DLGAP2: variants seen among roughly 807,000 people sequenced by gnomAD.
DLGAP2 encodes the protein disks large-associated protein 2.
Under a neutral mutation model 100.3 loss-of-function variants are expected in DLGAP2, and 26 were observed. The observed-to-expected ratio is 0.26, with a 90% CI of 0.19 to 0.36. The LOEUF is 0.36. DLGAP2 is among the 10% of genes least tolerant of loss of function. DLGAP2 has a pLI of 1.00. For missense variants in DLGAP2, 1,858 were observed against 1,453.2 expected, an observed-to-expected ratio of 1.28 and a Z score of -4.53; for synonymous variants, 886 against 630.1, an observed-to-expected ratio of 1.41 and a Z score of -6.08.
intron 6 of DLGAP2, among the ~76,000 whole-genome samples, chr8:1,625,530 A>G (rs552737173): frequency 2.6e-5 from 4 of 152,358 alleles, no homozygotes; most frequent in African/African-American, 4.8e-5. Flanking sequence ...TACTCCTCCT[A>G]TTATATTTGC....
At chr8:1,564,754 G>T (rs1192722928) in intron 5 of DLGAP2, among the ~76,000 whole-genome samples, 3 of 152,206 alleles carry the variant, frequency 2.0e-5, no homozygotes, top group African/African-American at 4.8e-5. Flanking sequence ...CACATAACAT[G>T]CATAGTTGCT....
At chr8:867,049 T>C (rs1483939230) in intron 1 of DLGAP2, among the ~76,000 whole-genome samples, 1 of 152,226 alleles carries the variant, frequency 6.6e-6, no homozygotes, top group Non-Finnish European at 1.5e-5. Context: ...TCCGCCGTTC[T>C]GTGCTGTTCA....
intron 2 of DLGAP2, among the ~76,000 whole-genome samples, chr8:912,864 G>A (rs1430497557): frequency 1.3e-5 from 2 of 150,214 alleles, no homozygotes; most frequent in African/African-American, 4.9e-5. Flanking sequence ...GCACCACGGT[G>A]CCCGCCTTCC....
chr8:1,158,896 G>A lies in DLGAP2; in HGVS notation c.74-99955G>A, dbSNP rs190953026. Among the ~76,000 whole-genome samples, 5 of 152,308 alleles carry A rather than the reference G, an allele frequency of 3.3e-5. No homozygotes were observed. In the East Asian group the frequency reaches 7.7e-4, roughly 24 times the overall value. On this transcript the variant is annotated intron_variant, in intron 2 of 14. Transcript: ENST00000637795. ...TCCAAAGGACATGCTTAGAGGGTTCGGCCTGACCAGTGGAACTGAAAATGA... is the reference window on the plus strand; with the variant it reads ...TCCAAAGGACATGCTTAGAGGGTTCAGCCTGACCAGTGGAACTGAAAATGA...
At chr8:1,340,272 A>ACGAAACT (rs1801389902) in intron 3 of DLGAP2, among the ~76,000 whole-genome samples, 1 of 152,248 alleles carries the variant, frequency 6.6e-6, no homozygotes, top group Admixed American at 6.5e-5. Context: ...TGCACAACAA[A>ACGAAACT]AGAAACTAGC....
At chr8:1,572,876 G>C (rs1221480373) in intron 6 of DLGAP2, among the ~76,000 whole-genome samples, 1 of 131,954 alleles carries the variant, frequency 7.6e-6, no homozygotes, top group African/African-American at 2.9e-5. Context: ...GGGGGCATCT[G>C]ATGAGATGGA....
At chr8:1,464,570 G>T (rs899983690) in intron 3 of DLGAP2, among the ~76,000 whole-genome samples, 1 of 141,066 alleles carries the variant, frequency 7.1e-6, no homozygotes, top group Non-Finnish European at 1.5e-5. Flanking sequence ...CTTCCAGGAC[G>T]GCTCTCTTCC....
chr8:980,002 T>C (rs1185790227), intron 2 of DLGAP2, among the ~76,000 whole-genome samples: 1 of 152,158 alleles, frequency 6.6e-6, no homozygotes, highest in Non-Finnish European at 1.5e-5. Context: ...GTCTGCAACC[T>C]CTAGGACTTG....
At chr8:1,154,204 C>A (rs967391837) in intron 2 of DLGAP2, among the ~76,000 whole-genome samples, 1 of 152,078 alleles carries the variant, frequency 6.6e-6, no homozygotes, top group Non-Finnish European at 1.5e-5. Flanking sequence ...TGAATCACTA[C>A]GGCGTCGTCC....
intron 3 of DLGAP2, among the ~76,000 whole-genome samples, chr8:1,266,660 C>A (rs1799457060): frequency 6.6e-6 from 1 of 152,144 alleles, no homozygotes; most frequent in African/African-American, 2.4e-5. Flanking sequence ...CTGACGTACG[C>A]CTCCGTGGGT....
intron 3 of DLGAP2, among the ~76,000 whole-genome samples, chr8:1,340,211 G>A (rs181377926): frequency 6.6e-6 from 1 of 152,284 alleles, no homozygotes; most frequent in East Asian, 1.9e-4. Flanking sequence ...AAAAGCAATG[G>A]CAACAAAAGC....
chr8:773,159 C>G (rs1372728252), intron 1 of DLGAP2, among the ~76,000 whole-genome samples: 3 of 152,168 alleles, frequency 2.0e-5, no homozygotes, highest in African/African-American at 7.2e-5. Flanking sequence ...CTGTGAATCC[C>G]CAGTCAATGC....
chr8:1,288,560 GGTT>G (rs1563063071), intron 3 of DLGAP2, among the ~76,000 whole-genome samples: 1 of 125,716 alleles, frequency 8.0e-6, no homozygotes, highest in African/African-American at 3.2e-5. Context: ...GTGTGTGTGT[GGTT>G]AGGAGGGGAA....
At chr8:1,451,781 G>A (rs1798166493) in intron 3 of DLGAP2, among the ~76,000 whole-genome samples, 2 of 152,086 alleles carry the variant, frequency 1.3e-5, no homozygotes, top group African/African-American at 2.4e-5. Context: ...TCTTCCTGAG[G>A]CCACAACATT....
chr8:1,124,040 T>C (rs1796109751), intron 2 of DLGAP2, among the ~76,000 whole-genome samples: 1 of 152,186 alleles, frequency 6.6e-6, no homozygotes, highest in South Asian at 2.1e-4. Context: ...AGCCCTTCAT[T>C]TTCCCTGTAT....
rs1426153721 is a variant in DLGAP2, at chr8:1,707,553, G to A, written c.*6147G>A. 1 of 152,138 alleles carries A rather than the reference G, an allele frequency of 6.6e-6. No individual in the cohort carries two copies. The highest frequency in any genetic ancestry group is 1.5e-5 in the Non-Finnish European group (1 of 68,030). The allele number at this position is 152,138 out of a possible 1,614,324, so 9.4% of individuals were successfully genotyped here. On this transcript the variant is annotated 3_prime_UTR_variant, in exon 15 of 15. Transcript: ENST00000637795. ...TCGACAAGGCTTCCCCTTACGAGCA[G>A]TGAGACCTAGGCTACTTTCGAACGC...
chr8:897,796 A>G (rs1382038798), intron 1 of DLGAP2, among the ~76,000 whole-genome samples: 2 of 152,100 alleles, frequency 1.3e-5, no homozygotes, highest in East Asian at 3.9e-4. Flanking sequence ...TATGACACTG[A>G]TGAGGAAAAC....
intron 1 of DLGAP2, among the ~76,000 whole-genome samples, chr8:871,622 G>A (rs986605136): frequency 5.9e-5 from 9 of 152,176 alleles, no homozygotes; most frequent in East Asian, 3.8e-4. Flanking sequence ...CAATGGAACT[G>A]CTCATTGGAG....
At chr8:1,308,986 G>A (rs1585245213) in intron 3 of DLGAP2, among the ~76,000 whole-genome samples, 1 of 152,254 alleles carries the variant, frequency 6.6e-6, no homozygotes, top group South Asian at 2.1e-4. Flanking sequence ...TAGAGGTTCA[G>A]CAGCAGATTT....
Sources: allele counts gnomAD v4.1 joint callset (sites outside exome capture counted in the v4.1 genomes callset), GRCh38; gene constraint gnomAD v4.1.1; transcripts MANE v1.5; gene names NCBI Gene and HGNC (gene_info 2026-07-23, HGNC 2026-07-21).